PAM: variants seen among roughly 807,000 people sequenced by gnomAD.
The protein encoded by PAM is peptidyl-glycine alpha-amidating monooxygenase.
Under a neutral mutation model 122.1 loss-of-function variants are expected in PAM, and 72 were observed. The ratio of observed to expected loss-of-function variants is 0.59; its 90% confidence interval spans 0.49 to 0.72. PAM has a LOEUF of 0.72. Among genes scored for constraint, PAM ranks in the 30% least tolerant of loss-of-function variants. The pLI is 0.00. For synonymous variants in PAM, 389 were observed against 404.4 expected, an observed-to-expected ratio of 0.96 and a Z score of 0.46; for missense variants, 1,106 against 1,183.7, an observed-to-expected ratio of 0.93 and a Z score of 0.96.
At chr5:102,950,039 T>A in intron 11 of PAM, 61 bp downstream of exon 11, 1 of 859,848 alleles carries the variant, frequency 1.2e-6, no homozygotes, top group Non-Finnish European at 2.0e-6. Flanking sequence ...AAGTAATTTT[T>A]AAAAATTATT....
chr5:102,976,015 A>G (rs138300311), intron 15 of PAM, among the ~76,000 whole-genome samples: 1 of 152,116 alleles, frequency 6.6e-6, no homozygotes. Flanking sequence ...TACTTGGCAA[A>G]TATCCTCATA....
At chr5:102,956,061 T>G (rs917329786) in intron 12 of PAM, among the ~76,000 whole-genome samples, 7 of 152,084 alleles carry the variant, frequency 4.6e-5, no homozygotes, top group African/African-American at 1.7e-4. Context: ...AAAGTATGAC[T>G]CTTTTTGTTC....
chr5:102,818,191 G>A (rs1770569220), intron 1 of PAM, among the ~76,000 whole-genome samples: 2 of 92,880 alleles, frequency 2.2e-5, no homozygotes, highest in Admixed American at 2.6e-4. Context: ...TTATTTTTCT[G>A]CTTTTCCCCA....
chr5:102,818,819 A>G (rs771553147), intron 1 of PAM, among the ~76,000 whole-genome samples: 2 of 152,152 alleles, frequency 1.3e-5, no homozygotes, highest in Non-Finnish European at 2.9e-5. Flanking sequence ...TCCAAATCTC[A>G]ATATGTAATA....
At chr5:102,953,775 A>T (rs1759779002) in intron 12 of PAM, among the ~76,000 whole-genome samples, 1 of 152,192 alleles carries the variant, frequency 6.6e-6, no homozygotes. Flanking sequence ...GCACTTTGGG[A>T]GGCCAAGGCG....
At chr5:102,835,705 A>T (rs1455857536) in intron 1 of PAM, among the ~76,000 whole-genome samples, 6 of 152,130 alleles carry the variant, frequency 3.9e-5, no homozygotes, top group Non-Finnish European at 7.4e-5. Flanking sequence ...AATGAGGCTC[A>T]TGACATTTTA....
At chr5:102,773,777 T>C (rs1302505708) in intron 1 of PAM, among the ~76,000 whole-genome samples, 1 of 152,104 alleles carries the variant, frequency 6.6e-6, no homozygotes, top group African/African-American at 2.4e-5. Flanking sequence ...GTGTGTTACA[T>C]AGGTAAACTC....
intron 11 of PAM, among the ~76,000 whole-genome samples, chr5:102,950,364 G>A (rs10064735): frequency 1.3e-5 from 2 of 151,306 alleles, no homozygotes; most frequent in South Asian, 2.1e-4. Flanking sequence ...GTTTTTATCC[G>A]ATGATTAAAG....
chr5:102,920,075 G>A (rs558677912), intron 5 of PAM, among the ~76,000 whole-genome samples: 30 of 152,116 alleles, frequency 2.0e-4, no homozygotes, highest in African/African-American at 7.2e-4. Context: ...GGAACATCTT[G>A]GTTTCAAATC....
chr5:102,953,194 A>G (rs1759531196), intron 12 of PAM, among the ~76,000 whole-genome samples: 1 of 152,204 alleles, frequency 6.6e-6, no homozygotes, highest in Non-Finnish European at 1.5e-5. Context: ...TGGGTAGAAC[A>G]ATCATGGGTA....
At chr5:102,936,273 G>A (rs958819692) in intron 7 of PAM, among the ~76,000 whole-genome samples, 1 of 152,062 alleles carries the variant, frequency 6.6e-6, no homozygotes, top group African/African-American at 2.4e-5. Flanking sequence ...TTGACAAATA[G>A]TGCAAGTCAA....
At chr5:102,953,689 TAA>T (rs1404635488) in intron 12 of PAM, among the ~76,000 whole-genome samples, 2 of 152,036 alleles carry the variant, frequency 1.3e-5, no homozygotes, top group East Asian at 1.9e-4. Flanking sequence ...TCAAAATAAT[TAA>T]GAGAGGAATG....
intron 1 of PAM, among the ~76,000 whole-genome samples, chr5:102,771,366 A>AGTTTG (rs1159655792): frequency 5.3e-5 from 8 of 152,126 alleles, no homozygotes; most frequent in Admixed American, 3.3e-4. Flanking sequence ...AAACAAACCC[A>AGTTTG]TTTGCCAAGT....
chr5:102,776,302 G>A (rs1757169716), intron 1 of PAM, among the ~76,000 whole-genome samples: 1 of 152,028 alleles, frequency 6.6e-6, no homozygotes, highest in Non-Finnish European at 1.5e-5. Flanking sequence ...TCACTCTTGG[G>A]ATAGTTTCTT....
chr5:102,790,685 T>C (rs1761823834), intron 1 of PAM, among the ~76,000 whole-genome samples: 2 of 152,100 alleles, frequency 1.3e-5, no homozygotes, highest in African/African-American at 4.8e-5. Context: ...CAGAACACTA[T>C]TTTCATTATT....
intron 4 of PAM, among the ~76,000 whole-genome samples, chr5:102,904,194 T>C (rs1798854264): frequency 6.6e-6 from 1 of 151,504 alleles, no homozygotes; most frequent in Non-Finnish European, 1.5e-5. Flanking sequence ...TCAGGATGCC[T>C]TATCCTGAGA....
At chr5:102,906,347 T>A (rs1159485641) in intron 4 of PAM, among the ~76,000 whole-genome samples, 2 of 151,690 alleles carry the variant, frequency 1.3e-5, no homozygotes, top group Non-Finnish European at 3.0e-5. Context: ...AAAAGATCAC[T>A]ATGAGTTGGT....
At chr5:102,885,101 AAAAGC>A (rs1792603768) in intron 3 of PAM, among the ~76,000 whole-genome samples, 1 of 151,442 alleles carries the variant, frequency 6.6e-6, no homozygotes, top group African/African-American at 2.4e-5. Flanking sequence ...ATATAACTAT[AAAAGC>A]TTTACTTGAT....
At chr5:102,917,110 A>C (rs1745712325) in intron 5 of PAM, among the ~76,000 whole-genome samples, 1 of 152,144 alleles carries the variant, frequency 6.6e-6, no homozygotes, top group Non-Finnish European at 1.5e-5. Flanking sequence ...TACTTTAAAG[A>C]ATTAGAGCTC....
Sources: gnomAD v4.1 joint callset for allele counts (sites outside exome capture counted in the v4.1 genomes callset) on GRCh38, gnomAD v4.1.1 for gene constraint, MANE v1.5 for transcripts, NCBI Gene and HGNC (gene_info 2026-07-23, HGNC 2026-07-21) for gene names.